Variants in CARD8 observed in about 807,000 individuals in gnomAD.
CARD8 encodes caspase recruitment domain family member 8, also known as caspase recruitment domain-containing protein 8.
In CARD8, 38 loss-of-function variants were observed where a neutral mutation model predicts 53.2. That is an observed-to-expected ratio of 0.71 (90% CI 0.55 to 0.94). The LOEUF is 0.94. Ranked by LOEUF, CARD8 falls within the 40% of genes least tolerant of loss-of-function variation. CARD8 has a pLI of 0.00. For synonymous variants in CARD8, 245 were observed against 244.9 expected, an observed-to-expected ratio of 1.00 and a Z score of 0.00; for missense variants, 561 against 655.5, an observed-to-expected ratio of 0.86 and a Z score of 1.57.
At chr19:48,229,714 G>A (rs1489752114) in intron 10 of CARD8, among the ~76,000 whole-genome samples, 3 of 152,222 alleles carry the variant, frequency 2.0e-5, no homozygotes, top group African/African-American at 4.8e-5. Flanking sequence ...GTGGGAATAT[G>A]AGCCTTTAAT....
In CARD8 at chr19:48,230,931, T is replaced by C; in HGVS notation, c.618A>G (p.Thr206=). The part of the protein sequence containing the change: ...GLGFLVRDEV[T]VTIAFGSWSQ... Reference sequence around the variant, plus strand: ...TCCAGGAACCAAACGCAATCGTCACTGTGACCTCATCCCTTACCAGGAAGC... The same window carrying C: ...TCCAGGAACCAAACGCAATCGTCACCGTGACCTCATCCCTTACCAGGAAGC... The change falls in exon 9 of 14, where the codon ACA becomes ACG. Residue 206 remains threonine (T), a synonymous_variant. Coordinates refer to ENST00000651546, the MANE Select transcript of CARD8 (RefSeq NM_001184900.3). The C allele has an allele frequency of 6.2e-7, 1 of 1,614,158 alleles. No individual in the cohort carries two copies. The highest frequency in any genetic ancestry group is 8.5e-7 in the Non-Finnish European group (1 of 1,180,022).
At chr19:48,249,054 G>C (rs985344183) in intron 3 of CARD8, among the ~76,000 whole-genome samples, 2 of 152,022 alleles carry the variant, frequency 1.3e-5, no homozygotes, top group East Asian at 3.9e-4. Flanking sequence ...AAAATTAGTC[G>C]TGCGTGGTGG....
chr19:48,238,765 C>T (rs1326346187), intron 4 of CARD8, among the ~76,000 whole-genome samples: 13 of 151,192 alleles, frequency 8.6e-5, no homozygotes, highest in Admixed American at 7.9e-4. Context: ...CATAGAGATG[C>T]CATCCTTAGA....
intron 10 of CARD8, among the ~76,000 whole-genome samples, chr19:48,229,424 G>C (rs145249467): frequency 6.6e-6 from 1 of 152,152 alleles, no homozygotes; most frequent in South Asian, 2.1e-4. Context: ...ATGTATTTCT[G>C]GCCCACTCTA....
At chr19:48,223,423 G>A (rs1436998894) in intron 10 of CARD8, among the ~76,000 whole-genome samples, 1 of 152,118 alleles carries the variant, frequency 6.6e-6, no homozygotes, top group African/African-American at 2.4e-5. Context: ...ATATTGTATT[G>A]AGCAAAGAGA....
At chr19:48,249,480 A>C (rs1006533188) in intron 3 of CARD8, 43 bp downstream of exon 3, 1 of 152,334 alleles carries the variant, frequency 6.6e-6, no homozygotes, top group African/African-American at 2.4e-5. Flanking sequence ...AGGATATTAT[A>C]AACTCTGCAG....
In CARD8 at chr19:48,211,671, C is replaced by T. The variant is rs533501140; in HGVS notation, c.*39G>A. 12 of 1,583,558 alleles carry T rather than the reference C, an allele frequency of 7.6e-6. No individual in the cohort carries two copies. Among genetic ancestry groups the T allele is most frequent in the Admixed American group, 5.2e-5 (3 of 57,384 alleles). On this transcript the variant is annotated 3_prime_UTR_variant, in exon 14 of 14. Transcript: ENST00000651546. Reference sequence around the variant, plus strand: ...TCTGTTTATCCATTTCCAATGAGAACGCTGGATTCTCTCTTCCAGACTACC... The same window carrying T: ...TCTGTTTATCCATTTCCAATGAGAATGCTGGATTCTCTCTTCCAGACTACC...
chr19:48,242,376 G>A lies in CARD8; in HGVS notation c.-43-1313C>T, dbSNP rs112533881. The stretch of plus-strand genomic sequence containing the variant: ...TGGACTTCCCAGCCTCCAGAACTGT[G>A]AGAAATAAATTCTGTTGTTTAAGCC... On this transcript the variant is annotated intron_variant, in intron 3 of 13. Transcript: ENST00000651546. 4.0e-3 allele frequency among the ~76,000 whole-genome samples: 557 copies of A among 139,922 alleles called. 4 individuals carry two copies. The highest frequency in any genetic ancestry group is 6.8e-3 in the Non-Finnish European group (428 of 63,318). 91.8% of individuals were successfully genotyped at this position (139,922 alleles called of 152,430 possible).
Position 48,231,668 on chromosome 19 carries a change from G to T in CARD8, c.534C>A (p.Asn178Lys), listed in dbSNP as rs772050510. 3.1e-6 allele frequency: 5 copies of T among 1,601,882 alleles called. No individual in the cohort carries two copies. The highest frequency in any genetic ancestry group is 4.3e-6 in the Non-Finnish European group (5 of 1,174,406). ...GCATCTTCCATTCTTACCTGTATCTGTTTGTGCTCTTATCAATCAACTCAA... is the reference window on the plus strand; with the variant it reads ...GCATCTTCCATTCTTACCTGTATCTTTTTGTGCTCTTATCAATCAACTCAA... ...VDVELIDKST[N>K]RYSVWFPTAG... is the part of the protein sequence containing the mutation. Residue 178 changes from asparagine to lysine, a missense_variant, in exon 8 of 14, where the codon AAC (asparagine) becomes AAA (lysine). Asn to Lys is a moderately conservative substitution (Grantham distance 94). Transcript: ENST00000651546.
chr19:48,231,504 C>T (rs2042879582), intron 8 of CARD8, among the ~76,000 whole-genome samples, 156 bp downstream of exon 8: 1 of 152,026 alleles, frequency 6.6e-6, no homozygotes, highest in African/African-American at 2.4e-5. Flanking sequence ...AGGGTTTCGT[C>T]ATGTTGGCCA....
At chr19:48,228,262 T>C (rs1371920695) in intron 10 of CARD8, among the ~76,000 whole-genome samples, 1 of 152,222 alleles carries the variant, frequency 6.6e-6, no homozygotes, top group Non-Finnish European at 1.5e-5. Context: ...TATTACAATG[T>C]AATAATAATC....
At chr19:48,214,554 G>A (rs2038791498) in intron 13 of CARD8, among the ~76,000 whole-genome samples, 1 of 152,044 alleles carries the variant, frequency 6.6e-6, no homozygotes, top group Non-Finnish European at 1.5e-5. Context: ...GAAACACACT[G>A]CGCATGCTCC....
chr19:48,204,973 A>C (rs2037290021), downstream of CARD8, among the ~76,000 whole-genome samples: 1 of 152,168 alleles, frequency 6.6e-6, no homozygotes, highest in African/African-American at 2.4e-5. Flanking sequence ...GTTTATCTGA[A>C]ATTCAAATTT....
At position 48,218,894 on chromosome 19, in the gene CARD8, A is replaced by G; in HGVS notation, c.1280T>C (p.Val427Ala). 1 of 1,614,178 alleles carries G rather than the reference A, an allele frequency of 6.2e-7. No individual in the cohort carries two copies. Among genetic ancestry groups the G allele is most frequent in the Non-Finnish European group, 8.5e-7 (1 of 1,180,014 alleles). ...ACCTGGCTTCACCTCAGTATCCCAC[A>G]CCAAAGTCCCATGTCTTTTTTCAGT... ...EITEKRHGTL[V>A]WDTEVKPVDL... is the part of the protein sequence containing the mutation. The change falls in exon 12 of 14, where the codon GTG (valine) becomes GCG (alanine). Residue 427 changes from valine to alanine, a missense_variant. Val to Ala is a moderately conservative substitution (Grantham distance 64). Coordinates refer to ENST00000651546, the MANE Select transcript of CARD8 (RefSeq NM_001184900.3).
chr19:48,215,352 G>A lies in CARD8; in HGVS notation c.1336C>T (p.Pro446Ser). The change falls in exon 13 of 14, where the codon CCT (proline) becomes TCT (serine). Residue 446 changes from proline to serine, a missense_variant. Transcript: ENST00000651546. ...ACATTTCACTTACCTGAGAAAGGAG[G>A]AGGGGCTGATGCAGCTACAAGCTGG... ...DLQLVAASAP[P>S]PFSGAAFVKE... 6.2e-7 allele frequency: 1 copy of A among 1,611,104 alleles called. No individual in the cohort carries two copies. The highest frequency in any genetic ancestry group is 8.5e-7 in the Non-Finnish European group (1 of 1,177,404).
intron 10 of CARD8, among the ~76,000 whole-genome samples, chr19:48,224,706 A>G (rs1163433248): frequency 6.6e-6 from 1 of 151,572 alleles, no homozygotes; most frequent in Non-Finnish European, 1.5e-5. Flanking sequence ...CTTTTCATTC[A>G]ATGGGTCAAC....
chr19:48,234,151 A>G (rs540709342), intron 6 of CARD8: 42 of 417,526 alleles, frequency 1.0e-4, no homozygotes, highest in African/African-American at 7.8e-4. Context: ...AGCTTAACCA[A>G]TAACCCACTG....
rs2037742289 is a variant in CARD8, at chr19:48,210,041, A to G, written c.*1669T>C. On this transcript the variant is annotated 3_prime_UTR_variant, in exon 14 of 14. Coordinates refer to ENST00000651546, the MANE Select transcript of CARD8 (RefSeq NM_001184900.3). Reference sequence around the variant, plus strand: ...ATTTATGAATTGGAGCAAATTCCAAAGGGAATAAAACAAGGAAACTCATCC... The same window carrying G: ...ATTTATGAATTGGAGCAAATTCCAAGGGGAATAAAACAAGGAAACTCATCC... 2 of 152,182 alleles carry G rather than the reference A, an allele frequency of 1.3e-5. No homozygotes were observed. The highest frequency in any genetic ancestry group is 6.5e-5 in the Admixed American group (1 of 15,280). The allele number at this position is 152,182 out of a possible 1,614,324, so 9.4% of individuals were successfully genotyped here. A position where few individuals can be genotyped will look rare whatever the true frequency, so the allele number is the denominator to read the frequency against.
At chr19:48,224,007 G>C (rs2041236786) in intron 10 of CARD8, 1 of 423,264 alleles carries the variant, frequency 2.4e-6, no homozygotes, top group Non-Finnish European at 4.7e-6. Flanking sequence ...TGTCACCCAG[G>C]CTGGAGTATA....
Sources: gnomAD v4.1 joint callset for allele counts (sites outside exome capture counted in the v4.1 genomes callset) on GRCh38, gnomAD v4.1.1 for gene constraint, MANE v1.5 for transcripts, NCBI Gene and HGNC (gene_info 2026-07-23, HGNC 2026-07-21) for gene names.